The following L3MBTL3 variants were observed in gnomAD, a reference collection of about 807,000 sequenced individuals.
L3MBTL3 encodes the protein L3MBTL histone methyl-lysine binding protein 3.
Under a neutral mutation model 102.3 loss-of-function variants are expected in L3MBTL3, and 27 were observed. The ratio of observed to expected loss-of-function variants is 0.26; its 90% CI spans 0.19 to 0.36. L3MBTL3 has a LOEUF of 0.36. L3MBTL3 is among the 10% of genes least tolerant of loss of function. The pLI is 1.00. For synonymous variants in L3MBTL3, 340 were observed against 320.9 expected (o/e 1.06, Z -0.64); for missense variants, 798 against 955.3 (o/e 0.84, Z 2.17).
At chr6:130,137,609 T>C (rs953193029) in intron 22 of L3MBTL3, 1 of 151,836 alleles carries the variant, frequency 6.6e-6, no homozygotes, top group Admixed American at 6.5e-5. Context: ...CTAAGTTCTC[T>C]GGATGTTTTT....
intron 1 of L3MBTL3, among the ~76,000 whole-genome samples, chr6:130,019,201 G>C (rs1430384521): frequency 1.3e-5 from 2 of 150,370 alleles, no homozygotes; most frequent in Non-Finnish European, 3.0e-5. Flanking sequence ...CACCGGGCGC[G>C]GGGTGGGGGA....
Position 130,033,327 on chromosome 6 carries a change from T to C in L3MBTL3, c.-15-9358T>C, listed in dbSNP as rs534093352. Among the ~76,000 whole-genome samples, 3 of 152,262 alleles carry C rather than the reference T, an allele frequency of 2.0e-5. 1 individual carries two copies. Among genetic ancestry groups the C allele is most frequent in the Admixed American group, 2.0e-4 (3 of 15,288 alleles). On this transcript the variant is annotated intron_variant, in intron 2 of 22. Transcript: ENST00000361794. ...CGTTTAGGAGTTTTGAGTATGTCAT[T>C]CTGCACCAAGTTTGACAGTTAACGG... is the stretch of plus-strand genomic sequence containing the variant.
intron 5 of L3MBTL3, among the ~76,000 whole-genome samples, chr6:130,050,622 T>C (rs1196288944): frequency 2.6e-5 from 4 of 152,218 alleles, no homozygotes; most frequent in Admixed American, 2.0e-4. Context: ...TTTTCTTGCC[T>C]CTCTTTTCTT....
intron 2 of L3MBTL3, among the ~76,000 whole-genome samples, chr6:130,031,951 G>T (rs1426845402): frequency 6.6e-6 from 1 of 151,928 alleles, no homozygotes; most frequent in East Asian, 1.9e-4. Context: ...TCACTGTGTT[G>T]CCTAGGCTGG....
intron 5 of L3MBTL3, among the ~76,000 whole-genome samples, chr6:130,050,361 T>C (rs1033955510): frequency 2.6e-5 from 4 of 152,238 alleles, no homozygotes; most frequent in Admixed American, 6.5e-5. Context: ...TACGTGTAAT[T>C]TTCCCAACAC....
At chr6:130,073,554 C>G (rs967753116) in intron 13 of L3MBTL3, among the ~76,000 whole-genome samples, 1 of 152,012 alleles carries the variant, frequency 6.6e-6, no homozygotes, top group African/African-American at 2.4e-5. Context: ...AGGTGAATGT[C>G]AGTTTATTTT....
At chr6:130,055,912 T>G (rs1300247629) in intron 8 of L3MBTL3, among the ~76,000 whole-genome samples, 1 of 133,640 alleles carries the variant, frequency 7.5e-6, no homozygotes, top group Non-Finnish European at 1.6e-5. Flanking sequence ...TCCCCTCCCC[T>G]TCCCTTCCCT....
chr6:130,033,825 A>G (rs1183924122), intron 2 of L3MBTL3, among the ~76,000 whole-genome samples: 3 of 152,238 alleles, frequency 2.0e-5, no homozygotes, highest in Non-Finnish European at 4.4e-5. Context: ...TATTAAAACT[A>G]TTTAACTGGT....
intron 19 of L3MBTL3, among the ~76,000 whole-genome samples, chr6:130,118,389 T>C (rs546101283): frequency 6.6e-6 from 1 of 152,302 alleles, no homozygotes. Flanking sequence ...CTTTTCTTAT[T>C]AATATTAACT....
intron 18 of L3MBTL3, among the ~76,000 whole-genome samples, chr6:130,098,199 A>G (rs915799880): frequency 2.6e-5 from 4 of 152,238 alleles, no homozygotes; most frequent in African/African-American, 9.6e-5. Context: ...AAGGATATTA[A>G]TGAAGTCCAT....
chr6:130,137,768 A>T (rs1376899647), intron 22 of L3MBTL3: 1 of 152,258 alleles, frequency 6.6e-6, no homozygotes, highest in Non-Finnish European at 1.5e-5. Flanking sequence ...TGACATTTTC[A>T]TTAATGACTT....
At chr6:130,078,504 G>C in intron 13 of L3MBTL3, 54 bp from the exon 14 acceptor site, 1 of 1,205,076 alleles carries the variant, frequency 8.3e-7, no homozygotes, top group East Asian at 2.3e-5. Flanking sequence ...TATTTTACTA[G>C]TTTTTGTGAG....
At chr6:130,065,728 C>T (rs1305160198) in intron 10 of L3MBTL3, among the ~76,000 whole-genome samples, 3 of 152,148 alleles carry the variant, frequency 2.0e-5, no homozygotes, top group African/African-American at 7.2e-5. Context: ...ACTCAGGTCT[C>T]GTAAGCCTAT....
chr6:130,026,977 C>G (rs1447264525), intron 2 of L3MBTL3, among the ~76,000 whole-genome samples: 1 of 151,864 alleles, frequency 6.6e-6, no homozygotes, highest in Non-Finnish European at 1.5e-5. Context: ...GTCCTAGAAT[C>G]AAAGTAAAAG....
Position 130,133,659 on chromosome 6 carries a change from A to G in L3MBTL3, c.2136+38A>G. On this transcript the variant is annotated intron_variant, in intron 21 of 22. Coordinates refer to ENST00000361794, the MANE Select transcript of L3MBTL3 (RefSeq NM_032438.4). This position sits in a 1 kb window ranked among gnomAD's most constrained non-coding sequence, Gnocchi z 4.9. ...TTCTTTGCTGCCCGACACCAGATAC[A>G]GGATTACTGGCTTAAGAGGTGTGGA... 1 of 1,606,374 alleles carries G rather than the reference A, an allele frequency of 6.2e-7. No individual in the cohort carries two copies. The highest frequency in any genetic ancestry group is 8.5e-7 in the Non-Finnish European group (1 of 1,176,636).
chr6:130,034,870 A>T (rs1251833036), intron 2 of L3MBTL3, among the ~76,000 whole-genome samples: 16 of 152,202 alleles, frequency 1.1e-4, no homozygotes, highest in Non-Finnish European at 2.9e-5. Context: ...AATGGTAGGA[A>T]CCATAAATAC....
intron 16 of L3MBTL3, among the ~76,000 whole-genome samples, chr6:130,089,351 A>G (rs536110435): frequency 2.7e-4 from 41 of 152,142 alleles, no homozygotes; most frequent in African/African-American, 9.4e-4. Context: ...TTTGCTGAGA[A>G]TGATGGTTTC....
chr6:130,096,617 T>C (rs1341565078), intron 18 of L3MBTL3, among the ~76,000 whole-genome samples: 1 of 152,180 alleles, frequency 6.6e-6, no homozygotes, highest in Non-Finnish European at 1.5e-5. Context: ...GTGACAGTTG[T>C]GTCCCCTCCC....
chr6:130,057,872 G>C (rs796684063), intron 9 of L3MBTL3, among the ~76,000 whole-genome samples: 1 of 152,148 alleles, frequency 6.6e-6, no homozygotes, highest in Admixed American at 6.5e-5. Flanking sequence ...GGCCGGGCGC[G>C]GTGGCTCACG....
Sources: gnomAD v4.1 joint callset for allele counts (sites outside exome capture counted in the v4.1 genomes callset) on GRCh38, gnomAD v4.1.1 for gene constraint, Gnocchi (gnomAD v3.1) non-coding constraint, MANE v1.5 for transcripts, NCBI Gene and HGNC (gene_info 2026-07-23, HGNC 2026-07-21) for gene names.